FBXO32: variants seen among roughly 807,000 people sequenced by gnomAD.
FBXO32 encodes the protein F-box protein 32.
In FBXO32, 15 loss-of-function variants were observed where a neutral mutation model predicts 48.3. The observed-to-expected ratio is 0.31, with a 90% CI of 0.21 to 0.48. The LOEUF (loss-of-function observed/expected upper bound fraction) is 0.48, where lower values mean the gene tolerates loss of function less well. Ranked by LOEUF, FBXO32 falls within the 20% of genes least tolerant of loss-of-function variation. The probability of loss-of-function intolerance (pLI) is 0.99; values close to 1 mark genes in which losing one functional copy is unlikely to be tolerated. For synonymous variants in FBXO32, 154 were observed against 165.9 expected, an observed-to-expected ratio of 0.93 and a Z score of 0.55; for missense variants, 309 against 432.7, an observed-to-expected ratio of 0.71 and a Z score of 2.54.
chr8:123,521,839 G>T (rs1373282092), intron 4 of FBXO32, among the ~76,000 whole-genome samples: 2 of 152,082 alleles, frequency 1.3e-5, no homozygotes, highest in African/African-American at 4.8e-5. Flanking sequence ...CCCAAGTTGG[G>T]TGCCCATCTA....
intron 2 of FBXO32, among the ~76,000 whole-genome samples, chr8:123,533,733 G>A (rs988894182): frequency 2.6e-5 from 4 of 151,960 alleles, no homozygotes; most frequent in Non-Finnish European, 4.4e-5. Context: ...ACTTGAACCC[G>A]GGAGGCAGAG....
chr8:123,504,706 A>G lies in FBXO32; in HGVS notation c.876T>C (p.Asp292=). Reference sequence around the variant, plus strand: ...CAAGTTTGAAATACATCTTCTTCCAATCCAGCTGCCCTTTGTCTGACAGAA... The same window carrying G: ...CAAGTTTGAAATACATCTTCTTCCAGTCCAGCTGCCCTTTGTCTGACAGAA... ...RLILSDKGQL[D]WKKMYFKLVR... The change falls in exon 8 of 9, where the codon GAT becomes GAC. Residue 292 remains aspartate (D), a synonymous_variant. Coordinates refer to ENST00000517956, the MANE Select transcript of FBXO32 (RefSeq NM_058229.4). 2 of 1,614,104 alleles carry G rather than the reference A, an allele frequency of 1.2e-6. No individual in the cohort carries two copies. The highest frequency in any genetic ancestry group is 1.1e-5 in the South Asian group (1 of 91,068).
chr8:123,506,215 C>A lies in FBXO32; in HGVS notation c.834+177G>T, dbSNP rs1291002986. On this transcript the variant is annotated intron_variant, in intron 7 of 8. Coordinates refer to ENST00000517956, the MANE Select transcript of FBXO32 (RefSeq NM_058229.4). This position sits in a 1 kb window ranked among gnomAD's most constrained non-coding sequence, Gnocchi z 4.0. ...CTGCACTCCAGCCTGGGCCACAGAG[C>A]GAGACCCTGTCTCAAAAAACAAAAT... 6.6e-6 allele frequency among the ~76,000 whole-genome samples: 1 copy of A among 152,108 alleles called. No individual in the cohort carries two copies. The highest frequency in any genetic ancestry group is 2.4e-5 in the African/African-American group (1 of 41,414).
At chr8:123,504,243 G>A (rs1242581436) in intron 8 of FBXO32, among the ~76,000 whole-genome samples, 1 of 152,060 alleles carries the variant, frequency 6.6e-6, no homozygotes, top group Admixed American at 6.6e-5. Flanking sequence ...ATTATCGCAT[G>A]GACCCTGAAA....
At chr8:123,522,262 T>TGCA (rs1346353491) in intron 4 of FBXO32, among the ~76,000 whole-genome samples, 1 of 145,324 alleles carries the variant, frequency 6.9e-6, no homozygotes, top group African/African-American at 2.6e-5. Context: ...CAGGCTGGAG[T>TGCA]GCAGTAGTGT....
At chr8:123,538,395 TTC>T (rs1817349901) in intron 1 of FBXO32, among the ~76,000 whole-genome samples, 2 of 152,196 alleles carry the variant, frequency 1.3e-5, no homozygotes, top group South Asian at 4.1e-4. Flanking sequence ...GTCTCTGTAG[TTC>T]TCTGTTTCAC....
Position 123,540,509 on chromosome 8 carries a change from G to A in FBXO32, c.116+390C>T, listed in dbSNP as rs897614009. Among the ~76,000 whole-genome samples the A allele has an allele frequency of 1.3e-5, 2 of 152,236 alleles. No homozygotes were observed. The highest frequency in any genetic ancestry group is 4.8e-5 in the African/African-American group (2 of 41,478). Reference sequence around the variant, plus strand: ...GGCCACCCCGCGGTGAAGGGGCTCAGCCCACCCGCCCGCGCCCCCACATGG... The same window carrying A: ...GGCCACCCCGCGGTGAAGGGGCTCAACCCACCCGCCCGCGCCCCCACATGG... On this transcript the variant is annotated intron_variant, in intron 1 of 8. Coordinates refer to ENST00000517956, the MANE Select transcript of FBXO32 (RefSeq NM_058229.4). The surrounding 1 kb of genome is among the most constrained non-coding windows in gnomAD (Gnocchi z 6.4).
chr8:123,524,839 G>T lies in FBXO32; in HGVS notation c.372+7059C>A, dbSNP rs551169376. Among the ~76,000 whole-genome samples, 79 of 152,314 alleles carry T rather than the reference G, an allele frequency of 5.2e-4. 1 individual carries two copies. Among genetic ancestry groups the T allele is most frequent in the South Asian group, 2.7e-3 (13 of 4,832 alleles). On this transcript the variant is annotated intron_variant, in intron 4 of 8. Transcript: ENST00000517956. ...GGCTCTGTGCATCATTTTCAAATGG[G>T]CCCGTGGCTCTGCTCTTTTGGCTTT...
intron 4 of FBXO32, among the ~76,000 whole-genome samples, chr8:123,516,527 T>C (rs190335570): frequency 6.6e-6 from 1 of 152,196 alleles, no homozygotes; most frequent in East Asian, 1.9e-4. Flanking sequence ...ATTTTAAAGA[T>C]TGGGTTGCAG....
At chr8:123,533,391 C>A in intron 2 of FBXO32, 151 bp from the exon 3 acceptor site, 1 of 656,160 alleles carries the variant, frequency 1.5e-6, no homozygotes, top group Non-Finnish European at 2.6e-6. Flanking sequence ...TGCTTAATTT[C>A]TGCAGTGTAG....
intron 6 of FBXO32, among the ~76,000 whole-genome samples, chr8:123,510,798 T>C (rs1424621617): frequency 4.6e-5 from 7 of 152,216 alleles, no homozygotes; most frequent in African/African-American, 1.7e-4. Context: ...GAACAGGGAA[T>C]AGATGGGTAA....
At chr8:123,528,581 A>C (rs1038564439) in intron 4 of FBXO32, among the ~76,000 whole-genome samples, 1 of 152,184 alleles carries the variant, frequency 6.6e-6, no homozygotes, top group Non-Finnish European at 1.5e-5. Context: ...GGGCCAATGC[A>C]TGTAGCTTGT....
At chr8:123,528,373 C>G (rs186949238) in intron 4 of FBXO32, among the ~76,000 whole-genome samples, 1 of 152,344 alleles carries the variant, frequency 6.6e-6, no homozygotes, top group Non-Finnish European at 1.5e-5. Flanking sequence ...AACTTCCAGT[C>G]TGACTGGCTT....
chr8:123,538,074 C>T (rs1396522542), intron 1 of FBXO32, among the ~76,000 whole-genome samples: 2 of 152,148 alleles, frequency 1.3e-5, no homozygotes, highest in African/African-American at 2.4e-5. Context: ...CATTCCCCTT[C>T]TATTTTATAT....
Position 123,502,434 on chromosome 8 carries a change from G to A in FBXO32, c.*939C>T, listed in dbSNP as rs771986609. 10 of 152,152 alleles carry A rather than the reference G, an allele frequency of 6.6e-5. No homozygotes were observed. Among genetic ancestry groups the A allele is most frequent in the Admixed American group, 4.6e-4 (7 of 15,254 alleles). 9.4% of individuals were successfully genotyped at this position (152,152 alleles called of 1,614,324 possible). A position where few individuals can be genotyped will look rare whatever the true frequency, so the allele number is the denominator to read the frequency against. The stretch of plus-strand genomic sequence containing the variant: ...TCTGCAGCAGGACTTCCTCTGGGAC[G>A]GCTTTTGTTTTGTTTTGTTTTGTTT... On this transcript the variant is annotated 3_prime_UTR_variant, in exon 9 of 9. Coordinates refer to ENST00000517956, the MANE Select transcript of FBXO32 (RefSeq NM_058229.4).
At chr8:123,528,886 A>G (rs1275534696) in intron 4 of FBXO32, among the ~76,000 whole-genome samples, 1 of 152,112 alleles carries the variant, frequency 6.6e-6, no homozygotes, top group Non-Finnish European at 1.5e-5. Flanking sequence ...TTAGCTCCTT[A>G]GCAAAACCAG....
chr8:123,518,988 A>AT (rs143951455), intron 4 of FBXO32, among the ~76,000 whole-genome samples: 13,597 of 151,920 alleles, frequency 0.09, 673 homozygotes, highest in Non-Finnish European at 0.098. Context: ...TGCCTGGCTA[A>AT]TTTTTTTTAT....
In FBXO32 at chr8:123,502,701, C is replaced by T. The variant is rs1816521939; in HGVS notation, c.*672G>A. 1 of 152,228 alleles carries T rather than the reference C, an allele frequency of 6.6e-6. No individual in the cohort carries two copies. 9.4% of individuals were successfully genotyped at this position (152,228 alleles called of 1,614,324 possible). A position where few individuals can be genotyped will look rare whatever the true frequency, so the allele number is the denominator to read the frequency against. On this transcript the variant is annotated 3_prime_UTR_variant, in exon 9 of 9. Transcript: ENST00000517956. The stretch of plus-strand genomic sequence containing the variant: ...AACCAGAGGATTGCCTCCAATATCC[C>T]TTTCCATTTTAAATCACTTTTTATA...
chr8:123,532,986 G>C (rs909239362), intron 3 of FBXO32, among the ~76,000 whole-genome samples: 1 of 152,212 alleles, frequency 6.6e-6, no homozygotes, highest in Admixed American at 6.5e-5. Context: ...TGAACGACTA[G>C]AGGGTCCACC....
Sources: gnomAD v4.1 joint callset for allele counts (sites outside exome capture counted in the v4.1 genomes callset) on GRCh38, gnomAD v4.1.1 for gene constraint, Gnocchi (gnomAD v3.1) non-coding constraint, MANE v1.5 for transcripts, NCBI Gene and HGNC (gene_info 2026-07-23, HGNC 2026-07-21) for gene names.